The following CLPTM1L variants were observed in gnomAD, a reference collection of about 807,000 sequenced individuals.
The protein encoded by CLPTM1L is lipid scramblase CLPTM1L.
CLPTM1L carries 38 observed loss-of-function variants against 70.9 expected under a neutral mutation model. That is an observed-to-expected ratio of 0.54 (90% CI 0.41 to 0.70). CLPTM1L has a LOEUF of 0.70. Among genes scored for constraint, CLPTM1L ranks in the 30% least tolerant of loss-of-function variants. The probability of loss-of-function intolerance (pLI) is 0.00; values close to 1 mark genes in which losing one functional copy is unlikely to be tolerated. For synonymous variants in CLPTM1L, 339 were observed against 299.9 expected, an observed-to-expected ratio of 1.13 and a Z score of -1.35; for missense variants, 652 against 705.9, an observed-to-expected ratio of 0.92 and a Z score of 0.87.
chr5:1,324,587 C>T (rs986638916), intron 11 of CLPTM1L, among the ~76,000 whole-genome samples, 176 bp downstream of exon 11: 3 of 152,230 alleles, frequency 2.0e-5, no homozygotes, highest in Admixed American at 6.5e-5. Flanking sequence ...TGCGAGCCCC[C>T]GCCCTTCCCA....
rs182205278 is a variant in CLPTM1L at position 1,328,821 on chromosome 5, C to T, written c.1080+1459G>A. Among the ~76,000 whole-genome samples the T allele has an allele frequency of 5.5e-5, 8 of 146,526 alleles. 1 individual carries two copies. Among genetic ancestry groups the T allele is most frequent in the African/African-American group, 2.0e-4 (8 of 39,980 alleles). ...TTTCATCCAGCTCCTGCTCTACAGACACATTGCATCCAGCTCCTCCTCTAC... is the reference window on the plus strand; with the variant it reads ...TTTCATCCAGCTCCTGCTCTACAGATACATTGCATCCAGCTCCTCCTCTAC... On this transcript the variant is annotated intron_variant, in intron 9 of 16. Coordinates refer to ENST00000320895, the MANE Select transcript of CLPTM1L (RefSeq NM_030782.5).
chr5:1,328,917 T>C (rs1369883206), intron 9 of CLPTM1L, among the ~76,000 whole-genome samples: 1 of 150,588 alleles, frequency 6.6e-6, no homozygotes, highest in African/African-American at 2.5e-5. Context: ...ACACATTTCA[T>C]CCAGCTCCTC....
At chr5:1,336,050 A>T (rs1203449551) in intron 5 of CLPTM1L, among the ~76,000 whole-genome samples, 2 of 152,210 alleles carry the variant, frequency 1.3e-5, no homozygotes, top group African/African-American at 4.8e-5. Flanking sequence ...GTGGAATCAG[A>T]GCCACAACCA....
At position 1,342,039 on chromosome 5, in the gene CLPTM1L, T is replaced by TGTGTGTGTGCGCGCGC. The variant is rs3222913; in HGVS notation, c.264-180_264-179insGCGCGCGCACACACAC. Among the ~76,000 whole-genome samples the TGTGTGTGTGCGCGCGC allele has an allele frequency of 1.6e-3, 232 of 149,080 alleles. 2 individuals carry two copies. The highest frequency in any genetic ancestry group is 3.9e-3 in the African/African-American group (157 of 39,776). On this transcript the variant is annotated intron_variant, in intron 2 of 16. Transcript: ENST00000320895. This position sits in a 1 kb window ranked among gnomAD's most constrained non-coding sequence, Gnocchi z 4.3. Reference sequence around the variant, plus strand: ...GTGTGTGTGTGTGTGTGTGTGTGTGTGCACGCGCACGCGTGCGCGTCCTGA... The same window carrying TGTGTGTGTGCGCGCGC: ...GTGTGTGTGTGTGTGTGTGTGTGTGTGTGTGTGTGCGCGCGCGCACGCGCACGCGTGCGCGTCCTGA...
chr5:1,341,100 C>T (rs1481681258), intron 3 of CLPTM1L, among the ~76,000 whole-genome samples: 2 of 152,264 alleles, frequency 1.3e-5, no homozygotes, highest in Admixed American at 1.3e-4. Flanking sequence ...CCACTCAACA[C>T]AAAGGTGGGT....
Position 1,329,417 on chromosome 5 carries a change from G to GGCAGA in CLPTM1L, c.1080+862_1080+863insTCTGC, listed in dbSNP as rs565573096. On this transcript the variant is annotated intron_variant, in intron 9 of 16. Coordinates refer to ENST00000320895, the MANE Select transcript of CLPTM1L (RefSeq NM_030782.5). ...ACTCTGTTTGGTGGACAGGGCCTCAGGCCTCTGCTTGGTGGACAGGGCCTC... is the reference window on the plus strand; with the variant it reads ...ACTCTGTTTGGTGGACAGGGCCTCAGGCAGAGCCTCTGCTTGGTGGACAGGGCCTC... Among the ~76,000 whole-genome samples, 569 of 152,184 alleles carry GGCAGA rather than the reference G, an allele frequency of 3.7e-3. 4 individuals carry two copies. The highest frequency in any genetic ancestry group is 0.012 in the African/African-American group (517 of 41,498).
At chr5:1,341,589 A>G in intron 3 of CLPTM1L, 82 bp downstream of exon 3, 2 of 1,252,096 alleles carry the variant, frequency 1.6e-6, no homozygotes, top group Non-Finnish European at 2.2e-6. Context: ...AGCCCTAGAC[A>G]TCGCCCACCT....
At chr5:1,319,330 G>A (rs1752013062) in intron 16 of CLPTM1L, among the ~76,000 whole-genome samples, 1 of 126,210 alleles carries the variant, frequency 7.9e-6, no homozygotes, top group Non-Finnish European at 1.7e-5. Flanking sequence ...GAGCTCCCGT[G>A]CAGGGGCTGC....
In CLPTM1L at chr5:1,318,400, T is replaced by G; in HGVS notation, c.1586A>C (p.Glu529Ala). Reference sequence around the variant, plus strand: ...CGTGTGGGGCGCCCGCGTGGCCTTCTCCTCGTAGGACTCCCCAAACTCGTT... The same window carrying G: ...CGTGTGGGGCGCCCGCGTGGCCTTCGCCTCGTAGGACTCCCCAAACTCGTT... The part of the protein sequence containing the change: ...RVNEFGESYE[E>A]KATRAPHTD The change falls in exon 17 of 17, where the codon GAG (glutamate) becomes GCG (alanine). Residue 529 changes from glutamate (E) to alanine (A), a missense_variant. Coordinates refer to ENST00000320895, the MANE Select transcript of CLPTM1L (RefSeq NM_030782.5). This position sits in a 1 kb window ranked among gnomAD's most constrained non-coding sequence, Gnocchi z 8.9. 1 of 1,613,836 alleles carries G rather than the reference T, an allele frequency of 6.2e-7. No individual in the cohort carries two copies.
chr5:1,332,096 C>T (rs1009043597), intron 7 of CLPTM1L: 36 of 583,662 alleles, frequency 6.2e-5, no homozygotes, highest in Non-Finnish European at 1.0e-4. Flanking sequence ...TGCAGGGGCA[C>T]TTCTGAAATA....
chr5:1,344,550 G>A, intron 1 of CLPTM1L, 99 bp from the exon 2 acceptor site: 6 of 1,461,124 alleles, frequency 4.1e-6, no homozygotes, highest in Non-Finnish European at 5.7e-6. Context: ...TGGCCGCTGG[G>A]GAACCAGGAA....
chr5:1,340,020 C>T (rs1017045689), intron 3 of CLPTM1L, among the ~76,000 whole-genome samples: 3 of 152,260 alleles, frequency 2.0e-5, no homozygotes, highest in African/African-American at 7.2e-5. Context: ...GGGGGAGAGC[C>T]CAGCAGAGAG....
At chr5:1,335,656 C>T (rs1753530394) in intron 5 of CLPTM1L, among the ~76,000 whole-genome samples, 1 of 152,194 alleles carries the variant, frequency 6.6e-6, no homozygotes, top group Admixed American at 6.5e-5. Flanking sequence ...AGGGGGTGGC[C>T]GTGGGGACAA....
In CLPTM1L at chr5:1,334,615, G is replaced by A. The variant is rs374080350; in HGVS notation, c.797-232C>T. Among the ~76,000 whole-genome samples, 7 of 152,094 alleles carry A rather than the reference G, an allele frequency of 4.6e-5. No homozygotes were observed. In the East Asian group the frequency reaches 7.8e-4, roughly 17 times the overall value. ...CTAAAAATACAAAAATTAGCTGGGC[G>A]TGGGGGCACGCGCCTGTAATCCTAG... On this transcript the variant is annotated intron_variant, in intron 6 of 16. Coordinates refer to ENST00000320895, the MANE Select transcript of CLPTM1L (RefSeq NM_030782.5).
chr5:1,333,842 T>C (rs1021758418), intron 7 of CLPTM1L, among the ~76,000 whole-genome samples: 2 of 151,718 alleles, frequency 1.3e-5, no homozygotes, highest in African/African-American at 4.9e-5. Context: ...ACTGACTTTT[T>C]ACATTTAAAA....
intron 8 of CLPTM1L, 26 bp from the exon 9 acceptor site, chr5:1,330,409 A>T: frequency 6.3e-7 from 1 of 1,591,844 alleles, no homozygotes. Context: ...TCGGGCTGGG[A>T]GGGGGTGCAG....
chr5:1,339,075 C>T, intron 3 of CLPTM1L, 70 bp from the exon 4 acceptor site: 1 of 1,543,936 alleles, frequency 6.5e-7, no homozygotes, highest in Non-Finnish European at 8.8e-7. Context: ...GGGTCAGCCC[C>T]CTAACCTGCG....
Position 1,318,348 on chromosome 5 carries a change from TGGCGGCAGCCCG to T in CLPTM1L, c.*9_*20del. 1 of 1,605,116 alleles carries T rather than the reference TGGCGGCAGCCCG, an allele frequency of 6.2e-7. No homozygotes were observed. Among genetic ancestry groups the T allele is most frequent in the Non-Finnish European group, 8.5e-7 (1 of 1,172,812 alleles). ...ATTGACAATTCAAGTTGCACTTGGCTGGCGGCAGCCCGGGCGGCCTTCAGTCCGTGTGGGGCG... is the reference window on the plus strand; with the variant it reads ...ATTGACAATTCAAGTTGCACTTGGCTGGCGGCCTTCAGTCCGTGTGGGGCG... On this transcript the variant is annotated 3_prime_UTR_variant, in exon 17 of 17. Transcript: ENST00000320895. This position sits in a 1 kb window ranked among gnomAD's most constrained non-coding sequence, Gnocchi z 8.9.
At chr5:1,327,746 G>GAC (rs1752718310) in intron 9 of CLPTM1L, among the ~76,000 whole-genome samples, 1 of 121,230 alleles carries the variant, frequency 8.2e-6, no homozygotes. Flanking sequence ...CCTCTACAGG[G>GAC]ACATTCCACC....
Sources: gnomAD v4.1 joint callset for allele counts (sites outside exome capture counted in the v4.1 genomes callset) on GRCh38, gnomAD v4.1.1 for gene constraint, Gnocchi (gnomAD v3.1) non-coding constraint, MANE v1.5 for transcripts, NCBI Gene and HGNC (gene_info 2026-07-23, HGNC 2026-07-21) for gene names.